VAT1L: variants seen among roughly 807,000 people sequenced by gnomAD.
The protein encoded by VAT1L is putative NADPH-dependent quinone oxidoreductase VAT1L.
VAT1L carries 34 observed loss-of-function variants against 44.1 expected under a neutral mutation model. The observed-to-expected ratio is 0.77, with a 90% confidence interval of 0.59 to 1.03. VAT1L has a LOEUF of 1.03. VAT1L is among the 50% of genes least tolerant of loss of function. The pLI is 0.00. For missense variants in VAT1L, 615 were observed against 538.8 expected (o/e 1.14, Z -1.40); for synonymous variants, 253 against 202.2 (o/e 1.25, Z -2.13).
At chr16:77,919,070 T>A (rs16946795) in intron 7 of VAT1L, among the ~76,000 whole-genome samples, 6 of 152,278 alleles carry the variant, frequency 3.9e-5, no homozygotes, top group Non-Finnish European at 7.4e-5. Flanking sequence ...AGGAAGTGCA[T>A]TGAATCCAAC....
Position 77,881,056 on chromosome 16 carries a change from C to CA in VAT1L, c.882+1833dup, listed in dbSNP as rs1292484768. ...CTATTGTGAATAGAATGGCAATGAA[C>CA]ATACGGGTGCATGTGTCCTTTTGAT... On this transcript the variant is annotated intron_variant, in intron 6 of 8. Transcript: ENST00000302536. Among the ~76,000 whole-genome samples, 12 of 152,314 alleles carry CA rather than the reference C, an allele frequency of 7.9e-5. No homozygotes were observed. The South Asian group carries it at 2.5e-3, about 32-fold the overall frequency.
At chr16:77,891,780 T>C (rs1484992613) in intron 7 of VAT1L, among the ~76,000 whole-genome samples, 1 of 152,104 alleles carries the variant, frequency 6.6e-6, no homozygotes, top group Non-Finnish European at 1.5e-5. Flanking sequence ...GGTAACTTGA[T>C]AAAAAGATTA....
chr16:77,851,150 C>T (rs1276081655), intron 3 of VAT1L, among the ~76,000 whole-genome samples: 2 of 152,178 alleles, frequency 1.3e-5, no homozygotes, highest in Non-Finnish European at 2.9e-5. Flanking sequence ...ACAGCTCTGC[C>T]CGGCAACAGA....
chr16:77,944,435 G>T (rs180877699), intron 7 of VAT1L, among the ~76,000 whole-genome samples: 69 of 152,266 alleles, frequency 4.5e-4, no homozygotes, highest in Non-Finnish European at 7.2e-4. Context: ...AAGGATAATG[G>T]GCATGACAGA....
chr16:77,897,228 C>G (rs1435025009), intron 7 of VAT1L, among the ~76,000 whole-genome samples: 2 of 152,078 alleles, frequency 1.3e-5, no homozygotes, highest in Non-Finnish European at 2.9e-5. Context: ...TGGATATTAC[C>G]ACTACCCCCA....
chr16:77,925,978 C>A (rs370389882), intron 7 of VAT1L, among the ~76,000 whole-genome samples: 1 of 151,996 alleles, frequency 6.6e-6, no homozygotes, highest in Non-Finnish European at 1.5e-5. Context: ...AAATAGGAGT[C>A]GGGGCCGGGT....
chr16:77,915,991 G>C (rs567132885), intron 7 of VAT1L, among the ~76,000 whole-genome samples: 2 of 152,290 alleles, frequency 1.3e-5, no homozygotes, highest in African/African-American at 4.8e-5. Context: ...ATGAGGAGCT[G>C]GCATACTTAA....
Position 77,862,728 on chromosome 16 carries a change from C to G in VAT1L, c.580-20C>G, listed in dbSNP as rs753063839. The G allele has an allele frequency of 9.9e-6, 16 of 1,608,632 alleles. No individual in the cohort carries two copies. Among genetic ancestry groups the G allele is most frequent in the Non-Finnish European group, 1.2e-5 (14 of 1,177,392 alleles). Reference sequence around the variant, plus strand: ...CTGGTGGCTCCTATGTGTGACATAGCTATTGTCTTTTCCTTCCAGGGTCAA... The same window carrying G: ...CTGGTGGCTCCTATGTGTGACATAGGTATTGTCTTTTCCTTCCAGGGTCAA... On this transcript the variant is annotated intron_variant, in intron 3 of 8. Transcript: ENST00000302536.
intron 3 of VAT1L, among the ~76,000 whole-genome samples, chr16:77,839,835 G>A (rs1436735171): frequency 1.3e-5 from 2 of 152,176 alleles, no homozygotes; most frequent in African/African-American, 4.8e-5. Context: ...GCATGGAGGT[G>A]CTTTAGAACA....
intron 7 of VAT1L, among the ~76,000 whole-genome samples, chr16:77,962,061 T>C (rs1008753269): frequency 2.6e-5 from 4 of 152,146 alleles, no homozygotes; most frequent in African/African-American, 7.2e-5. Flanking sequence ...CTCTATGTCA[T>C]ACCCACATCC....
At chr16:77,852,227 G>A (rs901143929) in intron 3 of VAT1L, among the ~76,000 whole-genome samples, 2 of 152,220 alleles carry the variant, frequency 1.3e-5, no homozygotes, top group Non-Finnish European at 2.9e-5. Flanking sequence ...GAGCAGAGGA[G>A]GGGCTGTCAC....
chr16:77,845,071 G>A (rs1046262690), intron 3 of VAT1L, among the ~76,000 whole-genome samples: 1 of 152,178 alleles, frequency 6.6e-6, no homozygotes, highest in African/African-American at 2.4e-5. Flanking sequence ...TCAAGATTAA[G>A]TCATTGGAAG....
chr16:77,972,826 T>A (rs1409695583), intron 8 of VAT1L, among the ~76,000 whole-genome samples: 1 of 149,642 alleles, frequency 6.7e-6, no homozygotes, highest in African/African-American at 2.4e-5. Context: ...TAATGTAAAA[T>A]ATAAATAAAA....
intron 1 of VAT1L, among the ~76,000 whole-genome samples, chr16:77,797,197 C>T (rs1455621506): frequency 6.6e-6 from 1 of 151,702 alleles, no homozygotes; most frequent in African/African-American, 2.4e-5. Context: ...CTGCAACCTG[C>T]GCCTCCCAGG....
chr16:77,937,621 G>A lies in VAT1L; in HGVS notation c.1078-34229G>A, dbSNP rs535034964. On this transcript the variant is annotated intron_variant, in intron 7 of 8. Transcript: ENST00000302536. ...AGAAAGGGAGCTGGAACTTAAAGTG[G>A]TGATGCTTGTCTGAAATGACGGTGC... Among the ~76,000 whole-genome samples the A allele has an allele frequency of 3.9e-5, 6 of 152,352 alleles. No individual in the cohort carries two copies. In the South Asian group the frequency reaches 1.2e-3, roughly 32 times the overall value.
Position 77,848,683 on chromosome 16 carries a change from CA to C in VAT1L, c.580-14064del, listed in dbSNP as rs147735598. Among the ~76,000 whole-genome samples the C allele has an allele frequency of 5.5e-3, 838 of 152,272 alleles. 8 individuals are homozygous for C. The highest frequency in any genetic ancestry group is 0.028 in the East Asian group (146 of 5,162). On this transcript the variant is annotated intron_variant, in intron 3 of 8. Coordinates refer to ENST00000302536, the MANE Select transcript of VAT1L (RefSeq NM_020927.3). ...ACGCCAGCTATCCAGTAAACGTGAT[CA>C]GGGGTACTTCCGCAGATGGTCTGCC... is the stretch of plus-strand genomic sequence containing the variant.
intron 7 of VAT1L, among the ~76,000 whole-genome samples, chr16:77,892,101 G>C (rs1231599141): frequency 6.6e-6 from 1 of 152,154 alleles, no homozygotes; most frequent in Non-Finnish European, 1.5e-5. Flanking sequence ...GGGACACCAA[G>C]GACAGAGAAG....
At chr16:77,815,738 G>C (rs932225632) in intron 1 of VAT1L, among the ~76,000 whole-genome samples, 1 of 151,802 alleles carries the variant, frequency 6.6e-6, no homozygotes, top group African/African-American at 2.4e-5. Flanking sequence ...GGAGACCAAG[G>C]TGGGCGGATC....
intron 1 of VAT1L, among the ~76,000 whole-genome samples, chr16:77,803,853 C>G (rs769331316): frequency 4.6e-5 from 7 of 152,180 alleles, no homozygotes; most frequent in Non-Finnish European, 2.9e-5. Context: ...TCTATCTTCT[C>G]CCCTCTGTGG....
Sources: allele counts gnomAD v4.1 joint callset (sites outside exome capture counted in the v4.1 genomes callset), GRCh38; gene constraint gnomAD v4.1.1; transcripts MANE v1.5; gene names NCBI Gene and HGNC (gene_info 2026-07-23, HGNC 2026-07-21).